ZNF559: variants seen among roughly 807,000 people sequenced by gnomAD.
ZNF559 encodes zinc finger protein 559.
In ZNF559, 17 loss-of-function variants were observed where a neutral mutation model predicts 14.2. The observed-to-expected ratio is 1.20, with a 90% CI of 0.82 to 1.80. The LOEUF is 1.80. Among genes scored for constraint, ZNF559 ranks in the 40% most tolerant of loss-of-function variants. The pLI, the probability that ZNF559 is intolerant of heterozygous loss-of-function variation, is 0.00. For synonymous variants in ZNF559, 244 were observed against 212.4 expected (o/e 1.15, Z -1.29); for missense variants, 740 against 629.7 (o/e 1.18, Z -1.88).
At chr19:9,333,738 C>T (rs1339518676) in intron 2 of ZNF559, among the ~76,000 whole-genome samples, 3 of 109,658 alleles carry the variant, frequency 2.7e-5, no homozygotes, top group African/African-American at 7.5e-5. Context: ...ATAATTCCTA[C>T]GTATGTAACT....
chr19:9,340,357 T>G (rs2067490652), intron 5 of ZNF559, among the ~76,000 whole-genome samples: 1 of 152,084 alleles, frequency 6.6e-6, no homozygotes, highest in African/African-American at 2.4e-5. Flanking sequence ...GTTCCTTGGG[T>G]ACCTTAACTT....
At chr19:9,331,680 A>G (rs886229347) in intron 2 of ZNF559, among the ~76,000 whole-genome samples, 2 of 152,170 alleles carry the variant, frequency 1.3e-5, no homozygotes, top group African/African-American at 4.8e-5. Flanking sequence ...GTATAAATGC[A>G]ACTGTTCTCA....
chr19:9,341,684 T>C lies in ZNF559; in HGVS notation c.244-11T>C, dbSNP rs1303175760. 1 of 1,599,052 alleles carries C rather than the reference T, an allele frequency of 6.3e-7. No homozygotes were observed. Among genetic ancestry groups the C allele is most frequent in the Admixed American group, 1.8e-5 (1 of 54,606 alleles). Reference sequence around the variant, plus strand: ...AAACTTCTATGAACCATCATTAATTTTCACCAACAGGAGAGAAACCATTTT... The same window carrying C: ...AAACTTCTATGAACCATCATTAATTCTCACCAACAGGAGAGAAACCATTTT... On this transcript the variant is annotated splice_polypyrimidine_tract_variant and intron_variant, in intron 6 of 6. Transcript: ENST00000603380.
chr19:9,328,814 A>G (rs2066780074), intron 2 of ZNF559, among the ~76,000 whole-genome samples: 1 of 152,210 alleles, frequency 6.6e-6, no homozygotes, highest in African/African-American at 2.4e-5. Flanking sequence ...ATGTTGTGTC[A>G]GAAGTCTTTT....
chr19:9,338,529 T>C lies in ZNF559; in HGVS notation c.-21T>C. 1 of 1,613,988 alleles carries C rather than the reference T, an allele frequency of 6.2e-7. No homozygotes were observed. Among genetic ancestry groups the C allele is most frequent in the South Asian group, 1.1e-5 (1 of 91,080 alleles). ...TCAAGATGTTTTCTGTCTTCATGAGTCAAAATTTGAAGAGGAAAGGATGGT... is the reference window on the plus strand; with the variant it reads ...TCAAGATGTTTTCTGTCTTCATGAGCCAAAATTTGAAGAGGAAAGGATGGT... On this transcript the variant is annotated 5_prime_UTR_variant, in exon 4 of 7. Transcript: ENST00000603380.
upstream of ZNF559, chr19:9,323,888 G>A (rs1418185220): frequency 9.7e-6 from 5 of 515,616 alleles, no homozygotes; most frequent in Admixed American, 1.0e-4. Context: ...CCACACTGTG[G>A]AGTATGCTTT....
chr19:9,338,856 G>C (rs777832816), intron 4 of ZNF559, among the ~76,000 whole-genome samples: 2 of 152,306 alleles, frequency 1.3e-5, no homozygotes, highest in East Asian at 3.9e-4. Flanking sequence ...ATGCACATGT[G>C]CTTCTCGGAA....
At chr19:9,324,627 C>CT (rs1470335737) in intron 1 of ZNF559, 68 bp from the exon 2 acceptor site, 29 of 1,053,562 alleles carry the variant, frequency 2.8e-5, no homozygotes, top group Non-Finnish European at 3.8e-5. Context: ...GACCCCCCCC[C>CT]CCAACCATCT....
rs750657570 is a variant in ZNF559 at position 9,342,495 on chromosome 19, TG to T, written c.1046del (p.Gly349GlufsTer24). 1.2e-6 allele frequency: 2 copies of T among 1,614,174 alleles called. No homozygotes were observed. The highest frequency in any genetic ancestry group is 1.7e-6 in the Non-Finnish European group (2 of 1,180,026). On this transcript the variant is annotated frameshift_variant, in exon 7 of 7. Coordinates refer to ENST00000603380, the MANE Select transcript of ZNF559 (RefSeq NM_032497.3). LOFTEE classifies it low-confidence loss of function (END_TRUNC). ...TTATAAAACACAGGCGAACTCACAC[TG>T]GAGAAAAGCCTTATGAATGTAAGGA... ...GLIKHRRTHT[G>X]EKPYECKECG... is the part of the protein sequence containing the mutation.
chr19:9,335,192 G>A (rs1055843943), intron 2 of ZNF559, among the ~76,000 whole-genome samples: 3 of 151,316 alleles, frequency 2.0e-5, no homozygotes, highest in Non-Finnish European at 2.9e-5. Flanking sequence ...AATCCAGCAC[G>A]TTGGGAGGTC....
Position 9,341,867 on chromosome 19 carries a change from A to T in ZNF559, c.416A>T (p.Lys139Ile). ...CCCTCTATCTTTACTTTACACAAGA[A>T]AACTGATATCGGAGAGGAACTTCCT... ...RKPSIFTLHK[K>I]TDIGEELPNC... is the part of the protein sequence containing the mutation. Residue 139 changes from lysine to isoleucine, a missense_variant, in exon 7 of 7, where the codon AAA becomes ATA. Coordinates refer to ENST00000603380, the MANE Select transcript of ZNF559 (RefSeq NM_032497.3). 1.2e-6 allele frequency: 2 copies of T among 1,610,698 alleles called. No individual in the cohort carries two copies. The highest frequency in any genetic ancestry group is 1.7e-6 in the Non-Finnish European group (2 of 1,179,150).
chr19:9,344,428 A>C lies in ZNF559; in HGVS notation c.*1360A>C, dbSNP rs2067687553. ...GAGGCCAAGGCAGAAGGATCACTTG[A>C]GCCCAGGAGTTCAAGACCAGCCTGG... is the stretch of plus-strand genomic sequence containing the variant. On this transcript the variant is annotated 3_prime_UTR_variant, in exon 7 of 7. Transcript: ENST00000603380. 6.6e-6 allele frequency: 1 copy of C among 152,226 alleles called. No homozygotes were observed. The highest frequency in any genetic ancestry group is 2.4e-5 in the African/African-American group (1 of 41,420). 9.4% of individuals were successfully genotyped at this position (152,226 alleles called of 1,614,324 possible). A position where few individuals can be genotyped will look rare whatever the true frequency, so the allele number is the denominator to read the frequency against.
intron 2 of ZNF559, among the ~76,000 whole-genome samples, chr19:9,336,155 ATTTTC>A (rs1422825504): frequency 1.3e-5 from 2 of 151,970 alleles, no homozygotes; most frequent in Non-Finnish European, 2.9e-5. Context: ...TCTTATGGTT[ATTTTC>A]TTATATTTTC....
chr19:9,340,996 C>G (rs2067549390), intron 5 of ZNF559, 106 bp from the exon 6 acceptor site: 1 of 840,074 alleles, frequency 1.2e-6, no homozygotes, highest in African/African-American at 1.7e-5. Context: ...AACTATATTT[C>G]AAGCCAGTGT....
Position 9,341,683 on chromosome 19 carries a change from T to C in ZNF559, c.244-12T>C. Reference sequence around the variant, plus strand: ...AAAACTTCTATGAACCATCATTAATTTTCACCAACAGGAGAGAAACCATTT... The same window carrying C: ...AAAACTTCTATGAACCATCATTAATCTTCACCAACAGGAGAGAAACCATTT... On this transcript the variant is annotated splice_polypyrimidine_tract_variant and intron_variant, in intron 6 of 6. Transcript: ENST00000603380. 1.3e-6 allele frequency: 2 copies of C among 1,599,164 alleles called. No homozygotes were observed. Among genetic ancestry groups the C allele is most frequent in the Non-Finnish European group, 1.7e-6 (2 of 1,175,856 alleles).
chr19:9,338,605 T>C, intron 4 of ZNF559, 23 bp downstream of exon 4: 1 of 1,560,282 alleles, frequency 6.4e-7, no homozygotes, highest in South Asian at 1.1e-5. Flanking sequence ...TTGCTTTTTC[T>C]GTAGAAGCAT....
Position 9,343,512 on chromosome 19 carries a change from TTAA to T in ZNF559, c.*447_*449del, listed in dbSNP as rs2122327731. The T allele has an allele frequency of 1.0e-6, 1 of 1,003,230 alleles. No individual in the cohort carries two copies. Among genetic ancestry groups the T allele is most frequent in the African/African-American group, 1.7e-5 (1 of 57,750 alleles). The allele number at this position is 1,003,230 out of a possible 1,614,324, so 62.1% of individuals were successfully genotyped here. A position where few individuals can be genotyped will look rare whatever the true frequency, so the allele number is the denominator to read the frequency against. ...GAAACCTTTCACTCTGCCTTATACC[TTAA>T]TATTCAGCTGTGATCTCACAAGTGT... On this transcript the variant is annotated 3_prime_UTR_variant, in exon 7 of 7. Transcript: ENST00000603380.
chr19:9,324,047 G>A, upstream of ZNF559: 1 of 1,063,580 alleles, frequency 9.4e-7, no homozygotes, highest in African/African-American at 1.6e-5. Flanking sequence ...GCGCTCTTCG[G>A]GGAGGTAAAC....
At position 9,342,938 on chromosome 19, in the gene ZNF559, A is replaced by G; in HGVS notation, c.1487A>G (p.Gln496Arg). 6.2e-7 allele frequency: 1 copy of G among 1,614,256 alleles called. No individual in the cohort carries two copies. The highest frequency in any genetic ancestry group is 8.5e-7 in the Non-Finnish European group (1 of 1,180,044). Residue 496 changes from glutamine to arginine, a missense_variant, in exon 7 of 7, where the codon CAG becomes CGG. By Grantham distance (43) the Gln-to-Arg change is conservative (BLOSUM62 1). Transcript: ENST00000603380. ...THTGERPFECQECGKAFTRST... is the reference protein window; with the variant it reads ...THTGERPFECRECGKAFTRST... ...ACTGGTGAACGGCCCTTTGAATGTC[A>G]GGAATGTGGGAAAGCCTTTACTCGG... is the stretch of plus-strand genomic sequence containing the variant.
Sources: allele counts gnomAD v4.1 joint callset (sites outside exome capture counted in the v4.1 genomes callset), GRCh38; gene constraint gnomAD v4.1.1; transcripts MANE v1.5; gene names NCBI Gene and HGNC (gene_info 2026-07-23, HGNC 2026-07-21).